Variants in SLC44A1 observed in about 807,000 individuals in gnomAD.
The protein encoded by SLC44A1 is solute carrier family 44 member 1.
A neutral mutation model predicts 79.3 loss-of-function variants in SLC44A1; 26 were observed. The ratio of observed to expected loss-of-function variants is 0.33; its 90% CI spans 0.24 to 0.46. The LOEUF (loss-of-function observed/expected upper bound fraction) is 0.46. SLC44A1 is among the 20% of genes least tolerant of loss of function. SLC44A1 has a pLI of 1.00. For missense variants in SLC44A1, 688 were observed against 798.1 expected (o/e 0.86, Z 1.66); for synonymous variants, 263 against 286.2 (o/e 0.92, Z 0.82).
intron 12 of SLC44A1, among the ~76,000 whole-genome samples, chr9:105,374,154 G>A (rs752642327): frequency 4.6e-5 from 7 of 152,202 alleles, no homozygotes; most frequent in Admixed American, 1.3e-4. Context: ...CACCAAGGAG[G>A]AGATAGTGGA....
At chr9:105,287,944 A>G (rs1044716450) in intron 1 of SLC44A1, among the ~76,000 whole-genome samples, 2 of 152,236 alleles carry the variant, frequency 1.3e-5, no homozygotes, top group Non-Finnish European at 2.9e-5. Flanking sequence ...TATAATGAGG[A>G]AGTAGAAAAA....
chr9:105,351,666 G>GAAAGAAAGA, intron 5 of SLC44A1, among the ~76,000 whole-genome samples: 1 of 150,560 alleles, frequency 6.6e-6, no homozygotes, highest in Admixed American at 6.6e-5. Flanking sequence ...AAGAAAGAAA[G>GAAAGAAAGA]AAAGAAAGAA....
intron 1 of SLC44A1, among the ~76,000 whole-genome samples, chr9:105,255,753 A>G (rs992713879): frequency 1.3e-5 from 2 of 152,170 alleles, no homozygotes; most frequent in Admixed American, 6.5e-5. Context: ...GACTATATCA[A>G]TTTGAATCCC....
At chr9:105,412,007 A>G (rs1048461558) in intron 15 of SLC44A1, among the ~76,000 whole-genome samples, 2 of 152,162 alleles carry the variant, frequency 1.3e-5, no homozygotes, top group African/African-American at 4.8e-5. Context: ...CACATTATCT[A>G]TTCACATTCT....
intron 1 of SLC44A1, among the ~76,000 whole-genome samples, chr9:105,267,999 T>C (rs1829998983): frequency 1.3e-5 from 2 of 152,154 alleles, no homozygotes; most frequent in African/African-American, 4.8e-5. Flanking sequence ...GCTGCCAGAG[T>C]CCTGGGACTC....
chr9:105,325,874 A>G (rs939515324), intron 3 of SLC44A1, among the ~76,000 whole-genome samples: 4 of 152,212 alleles, frequency 2.6e-5, no homozygotes, highest in Admixed American at 6.5e-5. Flanking sequence ...AAAACATTGA[A>G]TTGCACAGTT....
At chr9:105,292,843 C>A (rs1200794847) in intron 1 of SLC44A1, among the ~76,000 whole-genome samples, 2 of 152,062 alleles carry the variant, frequency 1.3e-5, no homozygotes, top group Non-Finnish European at 2.9e-5. Context: ...TGTGTGGTGC[C>A]CAGTATTTAT....
intron 12 of SLC44A1, 99 bp from the exon 13 acceptor site, chr9:105,374,499 G>T: frequency 1.7e-6 from 2 of 1,190,594 alleles, no homozygotes; most frequent in South Asian, 1.5e-5. Flanking sequence ...GTGTTTGACT[G>T]AAATATTTTT....
At chr9:105,314,727 A>G (rs1314989165) in intron 3 of SLC44A1, among the ~76,000 whole-genome samples, 1 of 152,210 alleles carries the variant, frequency 6.6e-6, no homozygotes, top group Non-Finnish European at 1.5e-5. Context: ...TCTATGTATG[A>G]GTAAAATCTA....
At chr9:105,308,358 T>G (rs1831086728) in intron 2 of SLC44A1, among the ~76,000 whole-genome samples, 1 of 152,236 alleles carries the variant, frequency 6.6e-6, no homozygotes, top group Non-Finnish European at 1.5e-5. Flanking sequence ...CACAACAGCC[T>G]GATGAGCTAC....
At chr9:105,318,966 C>G (rs1000392673) in intron 3 of SLC44A1, among the ~76,000 whole-genome samples, 1 of 152,104 alleles carries the variant, frequency 6.6e-6, no homozygotes, top group African/African-American at 2.4e-5. Flanking sequence ...TCTAGGTTAC[C>G]TGACACCTGT....
intron 1 of SLC44A1, among the ~76,000 whole-genome samples, chr9:105,248,500 A>G (rs756267135): frequency 6.6e-6 from 1 of 152,240 alleles, no homozygotes; most frequent in Non-Finnish European, 1.5e-5. Context: ...TGTATCAGCT[A>G]TGTACATCTA....
intron 13 of SLC44A1, 56 bp downstream of exon 13, chr9:105,374,791 G>C: frequency 7.1e-7 from 1 of 1,404,024 alleles, no homozygotes; most frequent in Non-Finnish European, 9.9e-7. Flanking sequence ...ATATTTATTT[G>C]CTCTTTTATT....
Position 105,365,596 on chromosome 9 carries a change from C to T in SLC44A1, c.1367C>T (p.Pro456Leu), listed in dbSNP as rs201114886. 72 of 1,613,450 alleles carry T rather than the reference C, an allele frequency of 4.5e-5. No individual in the cohort carries two copies. The highest frequency in any genetic ancestry group is 5.3e-5 in the Non-Finnish European group (63 of 1,179,616). ...GSFIITLVKIPRMILMYIHSQ... is the reference protein window; with the variant it reads ...GSFIITLVKILRMILMYIHSQ... ...TTCATTATCACATTAGTCAAAATTC[C>T]GCGAATGATCCTTATGTATATTCAC... The change falls in exon 11 of 16, where the codon CCG becomes CTG. Residue 456 changes from proline (P) to leucine (L), a missense_variant. Coordinates refer to ENST00000374720, the MANE Select transcript of SLC44A1 (RefSeq NM_080546.5).
rs1564466021 is a variant in SLC44A1, at chr9:105,374,455, C to T, written c.1495-143C>T. The stretch of plus-strand genomic sequence containing the variant: ...TTTAAATCTTATATTTTCTTGTACT[C>T]AGTCTCGATCTGTACCTCATTAAAG... On this transcript the variant is annotated intron_variant, in intron 12 of 15. Coordinates refer to ENST00000374720, the MANE Select transcript of SLC44A1 (RefSeq NM_080546.5). 6.6e-6 allele frequency: 4 copies of T among 610,514 alleles called. No homozygotes were observed. In the East Asian group the frequency reaches 1.2e-4, roughly 18 times the overall value. The allele number at this position is 610,514 out of a possible 1,614,324, so 37.8% of individuals were successfully genotyped here.
intron 5 of SLC44A1, among the ~76,000 whole-genome samples, chr9:105,355,184 C>T (rs559444913): frequency 1.5e-4 from 23 of 152,270 alleles, no homozygotes; most frequent in South Asian, 1.0e-3. Flanking sequence ...TCATAGAATC[C>T]GAGTAAATCA....
rs1371480729 is a variant in SLC44A1 at position 105,365,670 on chromosome 9, G to A, written c.1410+31G>A. The A allele has an allele frequency of 3.1e-6, 5 of 1,596,022 alleles. No individual in the cohort carries two copies. The East Asian group carries it at 6.7e-5, about 21-fold the overall frequency. On this transcript the variant is annotated intron_variant, in intron 11 of 15. Coordinates refer to ENST00000374720, the MANE Select transcript of SLC44A1 (RefSeq NM_080546.5). Reference sequence around the variant, plus strand: ...GGGAAAATGCATTTCTGTACTTTCTGTGGGCACATTCCAGACCTCAGTTCT... The same window carrying A: ...GGGAAAATGCATTTCTGTACTTTCTATGGGCACATTCCAGACCTCAGTTCT...
At chr9:105,412,051 AATG>A (rs1829101993) in intron 15 of SLC44A1, among the ~76,000 whole-genome samples, 1 of 152,194 alleles carries the variant, frequency 6.6e-6, no homozygotes, top group Non-Finnish European at 1.5e-5. Context: ...GTTTTCATAT[AATG>A]ATGATTTTCT....
chr9:105,292,042 TCTTA>T (rs1180347573), intron 1 of SLC44A1, among the ~76,000 whole-genome samples: 1 of 152,220 alleles, frequency 6.6e-6, no homozygotes, highest in African/African-American at 2.4e-5. Flanking sequence ...ATGGTTGGTC[TCTTA>T]CTTGTTTGCA....
Sources: gnomAD v4.1 joint callset for allele counts (sites outside exome capture counted in the v4.1 genomes callset) on GRCh38, gnomAD v4.1.1 for gene constraint, MANE v1.5 for transcripts, NCBI Gene and HGNC (gene_info 2026-07-23, HGNC 2026-07-21) for gene names.